SLC35D4: variants seen among roughly 807,000 people sequenced by gnomAD.
SLC35D4 encodes the protein UDP-N-acetylglucosamine transporter SLC35D4.
the SLC35D4 span, chr18:23,352,087 G>A: frequency 1.2e-4 from 104 of 855,990 alleles, no homozygotes; most frequent in East Asian, 1.9e-4. Context: ...CAGGGACAGC[G>A]CCTAGAAGTG....
the SLC35D4 span, among the ~76,000 whole-genome samples, chr18:23,326,541 T>G: frequency 2.0e-5 from 3 of 152,060 alleles, no homozygotes; most frequent in Non-Finnish European, 4.4e-5. Flanking sequence ...GGAGCACCCA[T>G]ATTCATAAAG....
chr18:23,358,037 A>G, the SLC35D4 span, among the ~76,000 whole-genome samples: 2 of 152,174 alleles, frequency 1.3e-5, no homozygotes, highest in African/African-American at 4.8e-5. Context: ...CCCTTTCCCC[A>G]TAGAAGTGAT....
the SLC35D4 span, chr18:23,252,997 A>G: frequency 1.9e-6 from 3 of 1,613,786 alleles, no homozygotes; most frequent in South Asian, 1.1e-5. Context: ...TCGGATCTCA[A>G]GAAGGACATG....
the SLC35D4 span, among the ~76,000 whole-genome samples, chr18:23,389,117 G>A: frequency 1.3e-5 from 2 of 151,348 alleles, no homozygotes; most frequent in Non-Finnish European, 2.9e-5. Flanking sequence ...AACCTCCTGA[G>A]TAGCTGGGAC....
chr18:23,251,919 C>T, the SLC35D4 span, among the ~76,000 whole-genome samples: 1 of 152,052 alleles, frequency 6.6e-6, no homozygotes, highest in African/African-American at 2.4e-5. Context: ...AACTCAGTCT[C>T]TCTTAAAAAT....
the SLC35D4 span, among the ~76,000 whole-genome samples, chr18:23,276,655 G>C: frequency 1.3e-5 from 2 of 152,152 alleles, no homozygotes; most frequent in Non-Finnish European, 2.9e-5. Context: ...TTGGAATCTA[G>C]GACTTAATTA....
the SLC35D4 span, among the ~76,000 whole-genome samples, chr18:23,329,589 C>T: frequency 2.6e-5 from 4 of 152,110 alleles, no homozygotes; most frequent in East Asian, 3.9e-4. Flanking sequence ...GAAATAGGAA[C>T]GCTTTTACAC....
At chr18:23,364,231 A>G in the SLC35D4 span, among the ~76,000 whole-genome samples, 1 of 152,194 alleles carries the variant, frequency 6.6e-6, no homozygotes, top group Non-Finnish European at 1.5e-5. Context: ...CATTTTCTAG[A>G]TGCGAAAACT....
the SLC35D4 span, among the ~76,000 whole-genome samples, chr18:23,434,812 T>G: frequency 7.1e-6 from 1 of 140,650 alleles, no homozygotes; most frequent in African/African-American, 2.7e-5. Context: ...AAACAAAAAT[T>G]TATAAAAGGC....
At chr18:23,376,899 T>C in the SLC35D4 span, 27 of 456,624 alleles carry the variant, frequency 5.9e-5, no homozygotes, top group Non-Finnish European at 1.1e-4. Flanking sequence ...AACAGGAGGA[T>C]AGTCTTGAAG....
At chr18:23,404,070 A>G in the SLC35D4 span, among the ~76,000 whole-genome samples, 1 of 152,214 alleles carries the variant, frequency 6.6e-6, no homozygotes, top group East Asian at 1.9e-4. Context: ...GTGAGCCGAG[A>G]CTGTGCCACT....
At chr18:23,353,305 C>T in the SLC35D4 span, among the ~76,000 whole-genome samples, 29 of 152,284 alleles carry the variant, frequency 1.9e-4, no homozygotes, top group East Asian at 5.6e-3. Flanking sequence ...TTGACTGCCA[C>T]ACTTCCATCT....
chr18:23,309,830 C>T, the SLC35D4 span: 1 of 1,338,808 alleles, frequency 7.5e-7, no homozygotes, highest in Non-Finnish European at 1.1e-6. Context: ...GCTTAGCTCA[C>T]TTGAGTTCGG....
the SLC35D4 span, among the ~76,000 whole-genome samples, chr18:23,337,262 A>G: frequency 3.9e-3 from 588 of 152,280 alleles, 6 homozygotes; most frequent in African/African-American, 0.013. Context: ...TCACAAGGTC[A>G]GGAGATTGAG....
At chr18:23,304,779 C>A in the SLC35D4 span, among the ~76,000 whole-genome samples, 2 of 152,158 alleles carry the variant, frequency 1.3e-5, no homozygotes, top group South Asian at 4.1e-4. Context: ...CACTGGCTGC[C>A]CTGTCTTCCC....
At chr18:23,267,652 G>A in the SLC35D4 span, among the ~76,000 whole-genome samples, 3 of 151,918 alleles carry the variant, frequency 2.0e-5, no homozygotes, top group Admixed American at 6.6e-5. Context: ...CCTTCCCTTC[G>A]CCCTGACTCT....
chr18:23,249,999 CAG>C, the SLC35D4 span, among the ~76,000 whole-genome samples: 3,640 of 152,296 alleles, frequency 0.024, 153 homozygotes, highest in African/African-American at 0.083. Flanking sequence ...CTGTTGCAAA[CAG>C]AGGTGGGACA....
At chr18:23,348,345 A>T in the SLC35D4 span, among the ~76,000 whole-genome samples, 7 of 152,230 alleles carry the variant, frequency 4.6e-5, no homozygotes, top group African/African-American at 1.7e-4. Context: ...CAGTTATGTC[A>T]ATTGGTTGAT....
the SLC35D4 span, among the ~76,000 whole-genome samples, chr18:23,343,655 C>A: frequency 6.6e-6 from 1 of 152,164 alleles, no homozygotes; most frequent in Non-Finnish European, 1.5e-5. Flanking sequence ...CAGATTATTT[C>A]ATTACCCAGG....
Sources: allele counts gnomAD v4.1 joint callset (sites outside exome capture counted in the v4.1 genomes callset), GRCh38; gene constraint gnomAD v4.1.1; transcripts MANE v1.5; gene names NCBI Gene and HGNC (gene_info 2026-07-23, HGNC 2026-07-21).